The following KLRG1 variants were observed in gnomAD, a reference collection of about 807,000 sequenced individuals.
KLRG1 encodes killer cell lectin-like receptor subfamily G member 1.
In KLRG1, 16 loss-of-function variants were observed where a neutral mutation model predicts 21.8. The observed-to-expected ratio is 0.73, with a 90% CI of 0.50 to 1.11. The LOEUF (loss-of-function observed/expected upper bound fraction) is 1.11. KLRG1 is among the 50% of genes most tolerant of loss of function. KLRG1 has a pLI of 0.00. For synonymous variants in KLRG1, 69 were observed against 75.9 expected, an observed-to-expected ratio of 0.91 and a Z score of 0.47; for missense variants, 173 against 218.3, an observed-to-expected ratio of 0.79 and a Z score of 1.31.
the KLRG1 span, among the ~76,000 whole-genome samples, chr12:9,158,026 T>C: frequency 1.3e-5 from 2 of 152,202 alleles, no homozygotes; most frequent in Non-Finnish European, 2.9e-5. Flanking sequence ...CTATCACACA[T>C]GACAGCCTCA....
chr12:9,209,178 C>A, the KLRG1 span, among the ~76,000 whole-genome samples: 3 of 152,056 alleles, frequency 2.0e-5, no homozygotes, highest in Non-Finnish European at 4.4e-5. Context: ...ACATATAAAC[C>A]ACCAGCAGAT....
At chr12:9,206,240 A>AT in the KLRG1 span, among the ~76,000 whole-genome samples, 15 of 151,600 alleles carry the variant, frequency 9.9e-5, no homozygotes, top group Non-Finnish European at 2.2e-4. Context: ...TGATCTTAAT[A>AT]AGAAGGTATA....
chr12:9,202,304 A>G, the KLRG1 span: 46 of 1,606,544 alleles, frequency 2.9e-5, no homozygotes, highest in African/African-American at 1.5e-4. Flanking sequence ...CAAACCACAG[A>G]TAGTGGATGC....
chr12:9,196,388 T>G, the KLRG1 span: 1 of 1,613,954 alleles, frequency 6.2e-7, no homozygotes, highest in South Asian at 1.1e-5. Flanking sequence ...GAATTTGAGT[T>G]TGGATACAAT....
the KLRG1 span, among the ~76,000 whole-genome samples, chr12:9,181,349 CATAA>C: frequency 6.6e-6 from 1 of 152,184 alleles, no homozygotes; most frequent in African/African-American, 2.4e-5. Flanking sequence ...ACTCTAGAGA[CATAA>C]ATAGTTAGAT....
the KLRG1 span, among the ~76,000 whole-genome samples, chr12:9,020,909 C>T: frequency 6.6e-6 from 1 of 152,140 alleles, no homozygotes; most frequent in East Asian, 1.9e-4. Context: ...TGTACTTACA[C>T]AAACCTAGAT....
chr12:9,212,376 C>G, the KLRG1 span, among the ~76,000 whole-genome samples: 1 of 152,214 alleles, frequency 6.6e-6, no homozygotes, highest in South Asian at 2.1e-4. Context: ...CAAGACTGCT[C>G]TTAGACTGCA....
chr12:9,072,828 G>T, the KLRG1 span: 1 of 1,613,990 alleles, frequency 6.2e-7, no homozygotes, highest in African/African-American at 1.3e-5. Context: ...GGTAAATGTG[G>T]CTGCTCCATA....
chr12:8,988,932 T>C (rs1037156519), upstream of KLRG1, among the ~76,000 whole-genome samples: 7 of 152,174 alleles, frequency 4.6e-5, no homozygotes, highest in Non-Finnish European at 7.3e-5. Flanking sequence ...ATTACTAAGA[T>C]GTTAGAATGT....
At chr12:9,074,622 T>C in the KLRG1 span, 1 of 1,613,786 alleles carries the variant, frequency 6.2e-7, no homozygotes, top group Non-Finnish European at 8.5e-7. Flanking sequence ...ACGATGTTGG[T>C]TGCAGAGGTC....
the KLRG1 span, chr12:9,110,064 A>C: frequency 5.0e-6 from 8 of 1,585,800 alleles, no homozygotes; most frequent in Non-Finnish European, 3.4e-6. Flanking sequence ...TATAACTTAC[A>C]AAAGCACCTG....
the KLRG1 span, among the ~76,000 whole-genome samples, chr12:9,053,448 C>T: frequency 3.8e-4 from 58 of 152,130 alleles, no homozygotes; most frequent in Non-Finnish European, 1.2e-4. Flanking sequence ...AAAATGCTCG[C>T]GACCCCACCA....
chr12:9,178,266 T>C, the KLRG1 span, among the ~76,000 whole-genome samples: 2 of 152,196 alleles, frequency 1.3e-5, no homozygotes, highest in African/African-American at 2.4e-5. Flanking sequence ...ATCTCACACT[T>C]TCCTGCTTCA....
chr12:9,136,048 T>G, the KLRG1 span, among the ~76,000 whole-genome samples: 1 of 152,184 alleles, frequency 6.6e-6, no homozygotes, highest in Non-Finnish European at 1.5e-5. Context: ...GACTTTTACC[T>G]AGCAAATATT....
At chr12:9,055,724 T>C in the KLRG1 span, 1 of 152,598 alleles carries the variant, frequency 6.6e-6, no homozygotes, top group Non-Finnish European at 1.5e-5. Context: ...CCTCAAACAT[T>C]TTCTTGCTCT....
the KLRG1 span, among the ~76,000 whole-genome samples, chr12:9,087,672 A>G: frequency 3.9e-5 from 6 of 152,160 alleles, 1 homozygote; most frequent in Non-Finnish European, 8.8e-5. Context: ...ACCACAAAAC[A>G]TAAGTATTTC....
At chr12:8,986,351 G>C (rs1226275466), upstream of KLRG1, among the ~76,000 whole-genome samples, 4 of 152,194 alleles carry the variant, frequency 2.6e-5, no homozygotes, top group Non-Finnish European at 5.9e-5. Flanking sequence ...TCAAAGGGAG[G>C]AGAGTTAAAT....
chr12:9,185,845 G>A, the KLRG1 span, among the ~76,000 whole-genome samples: 2 of 48,558 alleles, frequency 4.1e-5, no homozygotes, highest in African/African-American at 1.6e-4. Context: ...GTCTCACTCT[G>A]TCACCAGGCT....
the KLRG1 span, among the ~76,000 whole-genome samples, chr12:9,096,620 T>A: frequency 2.0e-5 from 3 of 152,204 alleles, no homozygotes; most frequent in Admixed American, 6.5e-5. Context: ...AGGTGAGAAG[T>A]AAGACAGACA....
Sources: gnomAD v4.1 joint callset for allele counts (sites outside exome capture counted in the v4.1 genomes callset) on GRCh38, gnomAD v4.1.1 for gene constraint, MANE v1.5 for transcripts, NCBI Gene and HGNC (gene_info 2026-07-23, HGNC 2026-07-21) for gene names.